Variants in ERC2 observed in about 807,000 individuals in gnomAD.
ERC2 encodes the protein ELKS/RAB6-interacting/CAST family member 2, also known as ERC protein 2.
Under a neutral mutation model 114.8 loss-of-function variants are expected in ERC2, and 42 were observed. That is an observed-to-expected ratio of 0.37 (90% CI 0.29 to 0.47). The LOEUF is 0.47. Among genes scored for constraint, ERC2 ranks in the 20% least tolerant of loss-of-function variants. The pLI, the probability that ERC2 is intolerant of heterozygous loss-of-function variation, is 0.99. For synonymous variants in ERC2, 454 were observed against 425.5 expected (o/e 1.07, Z -0.82); for missense variants, 939 against 1,150.7 (o/e 0.82, Z 2.66).
intron 17 of ERC2, among the ~76,000 whole-genome samples, chr3:55,545,976 A>T (rs1441255768): frequency 6.6e-6 from 1 of 152,198 alleles, no homozygotes; most frequent in South Asian, 2.1e-4. Flanking sequence ...AGGGTTACTC[A>T]GTAATGCTGT....
intron 7 of ERC2, among the ~76,000 whole-genome samples, chr3:56,043,062 T>C (rs2075279151): frequency 6.6e-6 from 1 of 152,070 alleles, no homozygotes; most frequent in Non-Finnish European, 1.5e-5. Flanking sequence ...TGGCTAAACG[T>C]ATTGAGAGGA....
intron 2 of ERC2, among the ~76,000 whole-genome samples, chr3:56,387,257 C>T (rs922211321): frequency 6.6e-6 from 1 of 152,112 alleles, no homozygotes; most frequent in Admixed American, 6.5e-5. Context: ...AAGTGTTTAA[C>T]CAATTTGTTA....
At chr3:56,147,429 T>C (rs2081198537) in intron 5 of ERC2, among the ~76,000 whole-genome samples, 2 of 152,160 alleles carry the variant, frequency 1.3e-5, no homozygotes, top group Non-Finnish European at 2.9e-5. Flanking sequence ...GACAGAAGTA[T>C]GAATAGTTTT....
At chr3:55,903,255 T>C (rs534286307) in intron 13 of ERC2, among the ~76,000 whole-genome samples, 279 of 152,336 alleles carry the variant, frequency 1.8e-3, no homozygotes, top group African/African-American at 6.6e-3. Flanking sequence ...AGCTCTTCTC[T>C]GATTAAAAAA....
chr3:56,001,139 G>A (rs1208960883), intron 10 of ERC2, among the ~76,000 whole-genome samples: 1 of 151,322 alleles, frequency 6.6e-6, no homozygotes, highest in African/African-American at 2.4e-5. Flanking sequence ...AAGGGAAGGA[G>A]AAGGCAAGAG....
chr3:56,452,267 A>G (rs2062856763), intron 1 of ERC2, among the ~76,000 whole-genome samples: 1 of 152,210 alleles, frequency 6.6e-6, no homozygotes, highest in East Asian at 1.9e-4. Context: ...GTGAAAGGTA[A>G]GGATTGTCAA....
chr3:55,832,427 A>G (rs1005896604), intron 14 of ERC2, among the ~76,000 whole-genome samples: 2 of 152,234 alleles, frequency 1.3e-5, no homozygotes, highest in African/African-American at 4.8e-5. Context: ...AGGAACGATC[A>G]GACAGCAGCA....
chr3:55,531,479 T>C (rs1165329882), intron 17 of ERC2, among the ~76,000 whole-genome samples: 1 of 152,182 alleles, frequency 6.6e-6, no homozygotes, highest in East Asian at 1.9e-4. Flanking sequence ...GCCCCTGATG[T>C]GCATTTGTGT....
intron 4 of ERC2, among the ~76,000 whole-genome samples, chr3:56,170,734 T>G (rs1225083686): frequency 1.3e-5 from 2 of 150,234 alleles, no homozygotes; most frequent in Non-Finnish European, 3.0e-5. Flanking sequence ...GTAGCTGGGA[T>G]TACAGCTGCC....
intron 3 of ERC2, among the ~76,000 whole-genome samples, chr3:56,222,898 G>A (rs1324006668): frequency 2.0e-5 from 3 of 152,226 alleles, no homozygotes; most frequent in African/African-American, 7.2e-5. Flanking sequence ...AGAGCTTCAG[G>A]CAATGCCTGT....
chr3:56,091,209 G>A (rs1344286090), intron 6 of ERC2, among the ~76,000 whole-genome samples: 1 of 152,096 alleles, frequency 6.6e-6, no homozygotes, highest in Non-Finnish European at 1.5e-5. Flanking sequence ...GGATGGAGGT[G>A]GTGGAGAGGG....
At chr3:56,165,854 C>A (rs140067314) in intron 4 of ERC2, among the ~76,000 whole-genome samples, 287 of 151,704 alleles carry the variant, frequency 1.9e-3, no homozygotes, top group African/African-American at 6.5e-3. Context: ...TCTACAGACT[C>A]GATTATGGTA....
At chr3:56,195,112 A>G (rs563850298) in intron 3 of ERC2, among the ~76,000 whole-genome samples, 4 of 152,306 alleles carry the variant, frequency 2.6e-5, no homozygotes, top group African/African-American at 9.6e-5. Context: ...TGCCAACATC[A>G]CTGCTCTTGG....
At chr3:55,605,604 C>T (rs1353418447) in intron 17 of ERC2, among the ~76,000 whole-genome samples, 1 of 152,138 alleles carries the variant, frequency 6.6e-6, no homozygotes, top group Admixed American at 6.6e-5. Flanking sequence ...GGCTGTACTG[C>T]CAAGTTTAAT....
At chr3:55,624,519 G>A (rs72871641) in intron 17 of ERC2, among the ~76,000 whole-genome samples, 188 of 152,308 alleles carry the variant, frequency 1.2e-3, no homozygotes, top group African/African-American at 4.4e-3. Flanking sequence ...TGGTGGATGG[G>A]AGAGGTGCCC....
chr3:56,167,924 G>A (rs1250293901), intron 4 of ERC2, among the ~76,000 whole-genome samples: 1 of 152,070 alleles, frequency 6.6e-6, no homozygotes, highest in Non-Finnish European at 1.5e-5. Context: ...ATACAGCTCT[G>A]CACCTTTCCA....
At chr3:56,138,085 A>T (rs2080627021) in intron 6 of ERC2, among the ~76,000 whole-genome samples, 1 of 138,062 alleles carries the variant, frequency 7.2e-6, no homozygotes, top group South Asian at 2.3e-4. Context: ...TTTGAGACGA[A>T]GTCTCACTCT....
Position 55,823,656 on chromosome 3 carries a change from G to A in ERC2, c.2564+64733C>T, listed in dbSNP as rs548242722. Among the ~76,000 whole-genome samples the A allele has an allele frequency of 2.0e-5, 3 of 152,290 alleles. No homozygotes were observed. The East Asian group carries it at 5.8e-4, about 29-fold the overall frequency. ...AGATGAGTAGCCCAAATGCAAAAGAGGGGACACAGGGTATGGCAGATACTA... is the reference window on the plus strand; with the variant it reads ...AGATGAGTAGCCCAAATGCAAAAGAAGGGACACAGGGTATGGCAGATACTA... On this transcript the variant is annotated intron_variant, in intron 14 of 17. Transcript: ENST00000288221.
intron 14 of ERC2, among the ~76,000 whole-genome samples, chr3:55,807,176 C>A (rs1345517471): frequency 6.6e-6 from 1 of 152,202 alleles, no homozygotes; most frequent in Non-Finnish European, 1.5e-5. Context: ...AAACGATACT[C>A]ATCATGAGAT....
Sources: allele counts gnomAD v4.1 joint callset (sites outside exome capture counted in the v4.1 genomes callset), GRCh38; gene constraint gnomAD v4.1.1; transcripts MANE v1.5; gene names NCBI Gene and HGNC (gene_info 2026-07-23, HGNC 2026-07-21).